DLGAP1: variants seen among roughly 807,000 people sequenced by gnomAD.
DLGAP1 encodes DLG associated protein 1, also known as disks large-associated protein 1.
DLGAP1 carries 11 observed loss-of-function variants against 90.8 expected under a neutral mutation model. The ratio of observed to expected loss-of-function variants is 0.12; its 90% confidence interval spans 0.08 to 0.20. The LOEUF (loss-of-function observed/expected upper bound fraction) is 0.20. Among genes scored for constraint, DLGAP1 ranks in the 10% least tolerant of loss-of-function variants. The probability of loss-of-function intolerance (pLI) is 1.00; values close to 1 mark genes in which losing one functional copy is unlikely to be tolerated. For missense variants in DLGAP1, 1,050 were observed against 1,333.8 expected, an observed-to-expected ratio of 0.79 and a Z score of 3.31; for synonymous variants, 558 against 540.7, an observed-to-expected ratio of 1.03 and a Z score of -0.44.
intron 1 of DLGAP1, among the ~76,000 whole-genome samples, chr18:4,160,900 G>A (rs1312664119): frequency 6.6e-6 from 1 of 151,920 alleles, no homozygotes; most frequent in Non-Finnish European, 1.5e-5. Context: ...TACCAAAATT[G>A]AGGCACTAAG....
At chr18:4,074,559 T>C (rs554334136) in intron 2 of DLGAP1, among the ~76,000 whole-genome samples, 2 of 152,150 alleles carry the variant, frequency 1.3e-5, no homozygotes, top group Non-Finnish European at 2.9e-5. Flanking sequence ...AATGTTAATA[T>C]AAAGAATTTA....
In DLGAP1 at chr18:3,879,638, G is replaced by T; in HGVS notation, c.431C>A (p.Ser144Ter). Reference sequence around the variant, plus strand: ...CGACTTGGTGAAGAGCTTCTGGACCGAGTGCACCAGGTGGCGGATGCGGCC... The same window carrying T: ...CGACTTGGTGAAGAGCTTCTGGACCTAGTGCACCAGGTGGCGGATGCGGCC... ...SPGRIRHLVH[S>*]VQKLFTKSHS... The change falls in exon 4 of 13, where the codon TCG becomes TAG. Residue 144 changes from serine to a stop codon, truncating the protein, a stop_gained. Transcript: ENST00000315677. LOFTEE classifies it high-confidence loss of function. This position sits in a 1 kb window ranked among gnomAD's most constrained non-coding sequence, Gnocchi z 6.6. The T allele has an allele frequency of 6.2e-7, 1 of 1,605,120 alleles. No homozygotes were observed. Among genetic ancestry groups the T allele is most frequent in the Non-Finnish European group, 8.5e-7 (1 of 1,179,176 alleles).
chr18:3,918,682 C>A (rs1241912333), intron 3 of DLGAP1, among the ~76,000 whole-genome samples: 1 of 152,144 alleles, frequency 6.6e-6, no homozygotes, highest in Admixed American at 6.5e-5. Flanking sequence ...GCATTCTGAG[C>A]AAAGACTACC....
chr18:4,179,099 ACAAAG>A (rs1251611776), intron 1 of DLGAP1, among the ~76,000 whole-genome samples: 18 of 152,364 alleles, frequency 1.2e-4, no homozygotes, highest in African/African-American at 4.3e-4. Context: ...TCGCAGGACA[ACAAAG>A]CAGAGATTAA....
rs1447776460 is a variant in DLGAP1, at chr18:3,814,319, C to A, written c.958-46G>T. 5 of 1,496,016 alleles carry A rather than the reference C, an allele frequency of 3.3e-6. No homozygotes were observed. The African/African-American group carries it at 5.7e-5, about 17-fold the overall frequency. The allele number at this position is 1,496,016 out of a possible 1,614,324, so 92.7% of individuals were successfully genotyped here. On this transcript the variant is annotated intron_variant, in intron 4 of 12. Transcript: ENST00000315677. Reference sequence around the variant, plus strand: ...TAAATCACTTTTTATAAAAGCCTACCTTTTTCTTTTCTTTTTCTTTTTTTT... The same window carrying A: ...TAAATCACTTTTTATAAAAGCCTACATTTTTCTTTTCTTTTTCTTTTTTTT...
In DLGAP1 at chr18:3,960,251, C is replaced by T. The variant is rs370515135; in HGVS notation, c.-73+44865G>A. ...GCTGTTGCTGACTCCTTGCTGCTTC[C>T]CCACCTTAGGTGCCTTTTCCTATTG... On this transcript the variant is annotated intron_variant, in intron 3 of 12. Coordinates refer to ENST00000315677, the MANE Select transcript of DLGAP1 (RefSeq NM_004746.4). Among the ~76,000 whole-genome samples, 59 of 152,344 alleles carry T rather than the reference C, an allele frequency of 3.9e-4. No individual in the cohort carries two copies. In the South Asian group the frequency reaches 9.5e-3, roughly 25 times the overall value.
At chr18:4,238,584 C>T (rs1598697369) in intron 1 of DLGAP1, among the ~76,000 whole-genome samples, 1 of 152,008 alleles carries the variant, frequency 6.6e-6, no homozygotes, top group East Asian at 1.9e-4. Flanking sequence ...GGTATCCTTC[C>T]TTCAAAAAAC....
chr18:4,143,945 G>A (rs1395708716), intron 2 of DLGAP1, among the ~76,000 whole-genome samples: 3 of 152,120 alleles, frequency 2.0e-5, no homozygotes. Flanking sequence ...TCTATCTGGT[G>A]TCCTAGCCTA....
intron 7 of DLGAP1, among the ~76,000 whole-genome samples, chr18:3,712,987 A>G (rs1334616624): frequency 6.6e-6 from 1 of 152,210 alleles, no homozygotes; most frequent in Non-Finnish European, 1.5e-5. Context: ...GACACAGTGA[A>G]TATTTGCAAA....
At chr18:4,093,184 TTCC>T (rs1183563310) in intron 2 of DLGAP1, among the ~76,000 whole-genome samples, 1 of 152,198 alleles carries the variant, frequency 6.6e-6, no homozygotes, top group Non-Finnish European at 1.5e-5. Flanking sequence ...TGGTTGATGT[TTCC>T]TTTCAAAAAC....
intron 7 of DLGAP1, among the ~76,000 whole-genome samples, chr18:3,719,574 A>AG (rs1017467078): frequency 2.0e-5 from 3 of 151,074 alleles, no homozygotes; most frequent in Admixed American, 6.6e-5. Context: ...AAAAAAAAAA[A>AG]AAAAGAAAGA....
chr18:4,205,188 G>A (rs1295105046), intron 1 of DLGAP1, among the ~76,000 whole-genome samples: 1 of 152,112 alleles, frequency 6.6e-6, no homozygotes, highest in Non-Finnish European at 1.5e-5. Flanking sequence ...GGCCTTTCAG[G>A]ATTTGTAGAT....
At chr18:3,623,028 C>T (rs1014932726) in intron 7 of DLGAP1, among the ~76,000 whole-genome samples, 2 of 152,158 alleles carry the variant, frequency 1.3e-5, no homozygotes, top group African/African-American at 2.4e-5. Flanking sequence ...TGGTCTTGAA[C>T]TCCTGACCTC....
intron 7 of DLGAP1, among the ~76,000 whole-genome samples, chr18:3,612,537 T>A (rs1189014344): frequency 6.6e-6 from 1 of 152,200 alleles, no homozygotes; most frequent in Admixed American, 6.5e-5. Flanking sequence ...CCCGTATCCA[T>A]GGCAACCAGA....
At chr18:4,254,901 T>C (rs1330161044) in intron 1 of DLGAP1, among the ~76,000 whole-genome samples, 2 of 152,142 alleles carry the variant, frequency 1.3e-5, no homozygotes, top group African/African-American at 4.8e-5. Context: ...CAAGACAGTC[T>C]GTAGTAAGGT....
At chr18:3,886,220 A>G (rs2071309304) in intron 3 of DLGAP1, among the ~76,000 whole-genome samples, 1 of 152,200 alleles carries the variant, frequency 6.6e-6, no homozygotes, top group South Asian at 2.1e-4. Flanking sequence ...TTGAGGAGAC[A>G]TCAGGAAGAG....
chr18:4,069,456 G>C (rs906890513), intron 2 of DLGAP1, among the ~76,000 whole-genome samples: 1 of 152,154 alleles, frequency 6.6e-6, no homozygotes, highest in Non-Finnish European at 1.5e-5. Context: ...GGTGGGGCCT[G>C]GTGGGAGGTG....
chr18:3,549,251 T>C (rs2053236211), intron 9 of DLGAP1, among the ~76,000 whole-genome samples: 1 of 152,136 alleles, frequency 6.6e-6, no homozygotes, highest in Admixed American at 6.6e-5. Flanking sequence ...TCTTTACACA[T>C]TTTTTAGTGT....
chr18:3,821,380 TTAA>T (rs1429570249), intron 4 of DLGAP1, among the ~76,000 whole-genome samples: 10 of 151,890 alleles, frequency 6.6e-5, no homozygotes, highest in Admixed American at 6.6e-4. Flanking sequence ...ATCAAAGCTT[TTAA>T]TAATATTACC....
Sources: gnomAD v4.1 joint callset for allele counts (sites outside exome capture counted in the v4.1 genomes callset) on GRCh38, gnomAD v4.1.1 for gene constraint, Gnocchi (gnomAD v3.1) non-coding constraint, MANE v1.5 for transcripts, NCBI Gene and HGNC (gene_info 2026-07-23, HGNC 2026-07-21) for gene names.